CALHM1: variants seen among roughly 807,000 people sequenced by gnomAD.
CALHM1 encodes calcium homeostasis modulator protein 1.
CALHM1 carries 11 observed loss-of-function variants against 14.8 expected under a neutral mutation model. That is an observed-to-expected ratio of 0.74 (90% CI 0.47 to 1.23). The LOEUF (loss-of-function observed/expected upper bound fraction) is 1.23, where lower values mean the gene tolerates loss of function less well. Among genes scored for constraint, CALHM1 ranks in the 50% most tolerant of loss-of-function variants. The pLI, the probability that CALHM1 is intolerant of heterozygous loss-of-function variation, is 0.00. For synonymous variants in CALHM1, 215 were observed against 218.9 expected (o/e 0.98, Z 0.16); for missense variants, 458 against 496.4 (o/e 0.92, Z 0.74).
Position 103,458,389 on chromosome 10 carries a change from G to T in CALHM1, c.363C>A (p.Asp121Glu), listed in dbSNP as rs759396433. 6.2e-7 allele frequency: 1 copy of T among 1,608,844 alleles called. No individual in the cohort carries two copies. The highest frequency in any genetic ancestry group is 1.3e-5 in the African/African-American group (1 of 74,802). The stretch of plus-strand genomic sequence containing the variant: ...AGAAGGCACAGAGGAAGCATTTGCC[G>T]TCGAGTAGCGTGACGGCCACCCAGA... ...PVVWVAVTLL[D>E]GKCFLCAFCT... Residue 121 changes from aspartate (D) to glutamate (E), a missense_variant, in exon 1 of 2, where the codon GAC (aspartate) becomes GAA (glutamate). Physicochemically the swap from Asp to Glu is conservative, Grantham distance 45. Transcript: ENST00000329905. The surrounding 1 kb of genome is among the most constrained non-coding windows in gnomAD (Gnocchi z 4.9).
rs763431793 is a variant in CALHM1, at chr10:103,458,715, G to T, written c.37C>A (p.Gln13Lys). 1 of 1,613,518 alleles carries T rather than the reference G, an allele frequency of 6.2e-7. No individual in the cohort carries two copies. The highest frequency in any genetic ancestry group is 8.5e-7 in the Non-Finnish European group (1 of 1,179,640). Reference protein sequence around the residue: ...DKFRMIFQFLQSNQESFMNGI... With the variant: ...DKFRMIFQFLKSNQESFMNGI... ...TTCATGAAGGACTCCTGGTTGGACT[G>T]CAGGAACTGGAAGATCATCCGGAAC... Residue 13 changes from glutamine to lysine, a missense_variant, in exon 1 of 2, where the codon CAG (glutamine) becomes AAG (lysine). Coordinates refer to ENST00000329905, the MANE Select transcript of CALHM1 (RefSeq NM_001001412.4). The surrounding 1 kb of genome is among the most constrained non-coding windows in gnomAD (Gnocchi z 4.9).
rs1244051815 is a variant in CALHM1, at chr10:103,454,278, G to A, written c.*984C>T. On this transcript the variant is annotated 3_prime_UTR_variant, in exon 2 of 2. Transcript: ENST00000329905. ...ACAGGCAGTGATGCAGCTGGCCCAG[G>A]GACAGGGTTTGTGAGTGGTAGAGAC... 2 of 152,338 alleles carry A rather than the reference G, an allele frequency of 1.3e-5. No individual in the cohort carries two copies. Among genetic ancestry groups the A allele is most frequent in the Admixed American group, 6.5e-5 (1 of 15,284 alleles). 9.4% of individuals were successfully genotyped at this position (152,338 alleles called of 1,614,324 possible).
rs76591097 is a variant in CALHM1 at position 103,455,390 on chromosome 10, T to G, written c.913A>C (p.Ser305Arg). ...AGAGGCGGTTTGCATTTGTGCCAGC[T>G]CGTGAGCAGCCTGTTCATGGTGCCT... ...DQGTMNRLLT[S>R]WHKCKPPLRL... Residue 305 changes from serine to arginine, a missense_variant, in exon 2 of 2, where the codon AGC (serine) becomes CGC (arginine). Transcript: ENST00000329905. 1,971 of 1,613,938 alleles carry G rather than the reference T, an allele frequency of 1.2e-3. 64 individuals are homozygous for G. The East Asian group carries it at 0.042, about 34-fold the overall frequency.
rs954521061 is a variant in CALHM1, at chr10:103,453,434, T to TATC, written c.*1827_*1828insGAT. The TATC allele has an allele frequency of 3.3e-5, 5 of 151,806 alleles. No homozygotes were observed. Among genetic ancestry groups the TATC allele is most frequent in the African/African-American group, 1.2e-4 (5 of 41,326 alleles). The allele number at this position is 151,806 out of a possible 1,614,324, so 9.4% of individuals were successfully genotyped here. On this transcript the variant is annotated 3_prime_UTR_variant, in exon 2 of 2. Transcript: ENST00000329905. ...TTCTTCTTCTTCTTCTTATTATTAT[T>TATC]ATTACTTTACAGAGACAGAGTCTTG...
At chr10:103,455,985 G>A (rs1423932461) in intron 1 of CALHM1, among the ~76,000 whole-genome samples, 2 of 152,232 alleles carry the variant, frequency 1.3e-5, no homozygotes, top group African/African-American at 2.4e-5. Context: ...CCGTGCTGGC[G>A]GGGCACCCAG....
At position 103,455,166 on chromosome 10, in the gene CALHM1, G is replaced by A. The variant is rs1416288953; in HGVS notation, c.*96C>T. On this transcript the variant is annotated 3_prime_UTR_variant, in exon 2 of 2. Transcript: ENST00000329905. Reference sequence around the variant, plus strand: ...GTGTGGATCTGCCTAGGGGAGTACTGCCCAGCACTGAAACCCTTCCTTTTT... The same window carrying A: ...GTGTGGATCTGCCTAGGGGAGTACTACCCAGCACTGAAACCCTTCCTTTTT... The A allele has an allele frequency of 1.4e-6, 2 of 1,453,798 alleles. No homozygotes were observed. The highest frequency in any genetic ancestry group is 1.4e-5 in the African/African-American group (1 of 70,226). The allele number at this position is 1,453,798 out of a possible 1,614,324, so 90.1% of individuals were successfully genotyped here.
In CALHM1 at chr10:103,455,874, C is replaced by T. The variant is rs138505960; in HGVS notation, c.556-127G>A. The T allele has an allele frequency of 4.2e-3, 4,800 of 1,151,580 alleles. 15 individuals carry two copies. Among genetic ancestry groups the T allele is most frequent in the Non-Finnish European group, 5.2e-3 (4,357 of 836,590 alleles). 71.3% of individuals were successfully genotyped at this position (1,151,580 alleles called of 1,614,324 possible). A position where few individuals can be genotyped will look rare whatever the true frequency, so the allele number is the denominator to read the frequency against. ...GCACAAATTGGGCAAGTGAGCTTGCCTCTTGGCCTCCATTTCCTCATCTGT... is the reference window on the plus strand; with the variant it reads ...GCACAAATTGGGCAAGTGAGCTTGCTTCTTGGCCTCCATTTCCTCATCTGT... On this transcript the variant is annotated intron_variant, in intron 1 of 1. Transcript: ENST00000329905.
Position 103,455,610 on chromosome 10 carries a change from G to T in CALHM1, c.693C>A (p.Phe231Leu). ...SHYIDIERKL[F>L]DETCTEHAKA... Reference sequence around the variant, plus strand: ...TGGCGTGCTCCGTGCACGTCTCGTCGAAGAGCTTGCGCTCGATGTCGATAT... The same window carrying T: ...TGGCGTGCTCCGTGCACGTCTCGTCTAAGAGCTTGCGCTCGATGTCGATAT... The change falls in exon 2 of 2, where the codon TTC becomes TTA. Residue 231 changes from phenylalanine (F) to leucine (L), a missense_variant. Phe to Leu is a conservative substitution (Grantham distance 22, BLOSUM62 0). Transcript: ENST00000329905. The T allele has an allele frequency of 6.2e-7, 1 of 1,613,940 alleles. No homozygotes were observed. The highest frequency in any genetic ancestry group is 8.5e-7 in the Non-Finnish European group (1 of 1,180,030).
In CALHM1 at chr10:103,458,121, G is replaced by A. The variant is rs917693740; in HGVS notation, c.555+76C>T. On this transcript the variant is annotated intron_variant, in intron 1 of 1. Transcript: ENST00000329905. This position sits in a 1 kb window ranked among gnomAD's most constrained non-coding sequence, Gnocchi z 4.9. ...CCTGAGCAGAGGCCCCATTTTGAGA[G>A]GTAGGGGGATAGGGCCCTCCCAGAG... 2 of 1,527,908 alleles carry A rather than the reference G, an allele frequency of 1.3e-6. No individual in the cohort carries two copies. Among genetic ancestry groups the A allele is most frequent in the African/African-American group, 2.7e-5 (2 of 73,326 alleles). 94.6% of individuals were successfully genotyped at this position (1,527,908 alleles called of 1,614,324 possible). A position where few individuals can be genotyped will look rare whatever the true frequency, so the allele number is the denominator to read the frequency against.
chr10:103,455,775 G>A, intron 1 of CALHM1, 28 bp from the exon 2 acceptor site: 4 of 1,600,466 alleles, frequency 2.5e-6, no homozygotes, highest in East Asian at 2.2e-5. Flanking sequence ...AGAGTCACGG[G>A]GCACTGTCCT....
chr10:103,458,595 T>C lies in CALHM1; in HGVS notation c.157A>G (p.Ser53Gly), dbSNP rs375076280. The part of the protein sequence containing the change: ...PCLPGYNAAY[S>G]AGILLAPPLV... ...GGTGGCGCCAGCAGGATGCCCGCGC[T>C]GTAGGCTGCATTGTAGCCCGGCAGG... The change falls in exon 1 of 2, where the codon AGC becomes GGC. Residue 53 changes from serine (S) to glycine (G), a missense_variant. Transcript: ENST00000329905. This position sits in a 1 kb window ranked among gnomAD's most constrained non-coding sequence, Gnocchi z 4.9. 1.4e-5 allele frequency: 22 copies of C among 1,613,812 alleles called. No individual in the cohort carries two copies. Among genetic ancestry groups the C allele is most frequent in the South Asian group, 2.2e-5 (2 of 91,086 alleles).
rs115786172 is a variant in CALHM1, at chr10:103,457,166, A to C, written c.555+1031T>G. ...TCTAGAATTCAGTCTCTGAAGGCCA[A>C]ATGAAACATGTATAGGCCAGGCAGC... On this transcript the variant is annotated intron_variant, in intron 1 of 1. Transcript: ENST00000329905. 8.4e-3 allele frequency among the ~76,000 whole-genome samples: 1,276 copies of C among 152,332 alleles called. 23 individuals are homozygous for C. Among genetic ancestry groups the C allele is most frequent in the African/African-American group, 0.029 (1,195 of 41,580 alleles).
Position 103,458,670 on chromosome 10 carries a change from C to CCAGGGCAT in CALHM1, c.81_82insATGCCCTG (p.Ala28MetfsTer47). ...GAGTACATCTGGGCACTGGCCAGGG[C>CCAGGGCAT]CATGATGCCACAGATGCCATTCATG... is the stretch of plus-strand genomic sequence containing the variant. On this transcript the variant is annotated frameshift_variant, in exon 1 of 2. Transcript: ENST00000329905. LOFTEE classifies it high-confidence loss of function. This position sits in a 1 kb window ranked among gnomAD's most constrained non-coding sequence, Gnocchi z 4.9. 6.2e-7 allele frequency: 1 copy of CCAGGGCAT among 1,614,072 alleles called. No individual in the cohort carries two copies. Among genetic ancestry groups the CCAGGGCAT allele is most frequent in the Non-Finnish European group, 8.5e-7 (1 of 1,180,046 alleles).
chr10:103,455,959 G>A (rs770478445), intron 1 of CALHM1, among the ~76,000 whole-genome samples: 17 of 152,238 alleles, frequency 1.1e-4, no homozygotes, highest in Admixed American at 3.9e-4. Context: ...AGAAGATCAC[G>A]TGGGTAAAGC....
chr10:103,455,840 G>C (rs1358868146), intron 1 of CALHM1, 93 bp from the exon 2 acceptor site: 3 of 1,446,246 alleles, frequency 2.1e-6, no homozygotes, highest in Non-Finnish European at 2.7e-6. Flanking sequence ...AGTGCCTCTA[G>C]GGCAAAGAGC....
Position 103,458,517 on chromosome 10 carries a change from C to T in CALHM1, c.235G>A (p.Ala79Thr). 1 of 1,613,592 alleles carries T rather than the reference C, an allele frequency of 6.2e-7. No homozygotes were observed. Among genetic ancestry groups the T allele is most frequent in the East Asian group, 2.2e-5 (1 of 44,864 alleles). Residue 79 changes from alanine to threonine, a missense_variant, in exon 1 of 2, where the codon GCC (alanine) becomes ACC (threonine). By Grantham distance (58) the Ala-to-Thr change is moderately conservative. Coordinates refer to ENST00000329905, the MANE Select transcript of CALHM1 (RefSeq NM_001001412.4). The surrounding 1 kb of genome is among the most constrained non-coding windows in gnomAD (Gnocchi z 4.9). ...CCCAGCGGCCGCTTCCACTCTTCGG[C>T]CAGCATGGACACGTTGTTGTTCATG... ...LVMNNNVSML[A>T]EEWKRPLGRR... is the part of the protein sequence containing the mutation.
At chr10:103,456,263 C>G (rs888386003) in intron 1 of CALHM1, among the ~76,000 whole-genome samples, 1 of 152,196 alleles carries the variant, frequency 6.6e-6, no homozygotes, top group Non-Finnish European at 1.5e-5. Context: ...CTTACTGTGC[C>G]TCTTCTTTCA....
Position 103,455,562 on chromosome 10 carries a change from GA to G in CALHM1, c.740del (p.Ile247ThrfsTer8). On this transcript the variant is annotated frameshift_variant, in exon 2 of 2. Coordinates refer to ENST00000329905, the MANE Select transcript of CALHM1 (RefSeq NM_001001412.4). LOFTEE classifies it low-confidence loss of function (END_TRUNC). ...EHAKAFAKVC[I>X]QQFFEAMNHD... ...GGTTCATGGCCTCGAAGAACTGCTG[GA>G]TGCAGACCTTGGCAAAGGCTTTGGC... The G allele has an allele frequency of 1.2e-6, 2 of 1,614,054 alleles. No homozygotes were observed. The highest frequency in any genetic ancestry group is 1.7e-6 in the Non-Finnish European group (2 of 1,180,038).
rs2033189371 is a variant in CALHM1, at chr10:103,458,765, C to A, written c.-14G>T. 1 of 1,587,198 alleles carries A rather than the reference C, an allele frequency of 6.3e-7. No individual in the cohort carries two copies. The highest frequency in any genetic ancestry group is 2.2e-5 in the East Asian group (1 of 44,636). On this transcript the variant is annotated 5_prime_UTR_variant, in exon 1 of 2. Transcript: ENST00000329905. The surrounding 1 kb of genome is among the most constrained non-coding windows in gnomAD (Gnocchi z 4.9). Reference sequence around the variant, plus strand: ...CTTGTCCATCATGCCCGCTGTGGGGCCCGGCCTCCTCTTCCCAACTCACTG... The same window carrying A: ...CTTGTCCATCATGCCCGCTGTGGGGACCGGCCTCCTCTTCCCAACTCACTG...
Sources: allele counts gnomAD v4.1 joint callset (sites outside exome capture counted in the v4.1 genomes callset), GRCh38; gene constraint gnomAD v4.1.1; non-coding constraint Gnocchi (gnomAD v3.1); transcripts MANE v1.5; gene names NCBI Gene and HGNC (gene_info 2026-07-23, HGNC 2026-07-21).